PPP2R2C: variants seen among roughly 807,000 people sequenced by gnomAD.
The protein encoded by PPP2R2C is protein phosphatase 2 regulatory subunit Bgamma, also known as protein phosphatase 2, regulatory subunit B, gamma.
PPP2R2C carries 10 observed loss-of-function variants against 45.3 expected under a neutral mutation model. The observed-to-expected ratio is 0.22, with a 90% CI of 0.14 to 0.37. The LOEUF is 0.37. PPP2R2C is among the 10% of genes least tolerant of loss of function. The pLI is 1.00. For missense variants in PPP2R2C, 308 were observed against 619.7 expected (o/e 0.50, Z 5.34); for synonymous variants, 257 against 245.4 (o/e 1.05, Z -0.44).
At chr4:6,443,587 C>T (rs1720267082) in intron 1 of PPP2R2C, among the ~76,000 whole-genome samples, 1 of 152,196 alleles carries the variant, frequency 6.6e-6, no homozygotes, top group African/African-American at 2.4e-5. Flanking sequence ...GCCTGGGACT[C>T]AGGAAGCCCT....
rs146181803 is a variant in PPP2R2C, at chr4:6,438,195, C to T, written c.70+33965G>A. On this transcript the variant is annotated intron_variant, in intron 1 of 8. Transcript: ENST00000382599. ...CTCACCATCGTACAGTTACTATGAC[C>T]ATTGCCTTTGCAAAGTAGGTCGTAT... Among the ~76,000 whole-genome samples, 155 of 152,326 alleles carry T rather than the reference C, an allele frequency of 1.0e-3. 1 individual carries two copies. Among genetic ancestry groups the T allele is most frequent in the African/African-American group, 2.8e-3 (115 of 41,564 alleles).
intron 2 of PPP2R2C, among the ~76,000 whole-genome samples, chr4:6,533,296 A>C (rs1293117198): frequency 2.0e-5 from 3 of 152,188 alleles, no homozygotes; most frequent in Non-Finnish European, 4.4e-5. Context: ...CCATGAGCAT[A>C]ATCTTTGAAC....
intron 5 of PPP2R2C, among the ~76,000 whole-genome samples, chr4:6,355,509 A>T (rs566545591): frequency 6.6e-6 from 1 of 151,412 alleles, no homozygotes; most frequent in Non-Finnish European, 1.5e-5. Flanking sequence ...CCTAAAACTT[A>T]AAGTATAATA....
chr4:6,463,397 G>A (rs1438382381), intron 1 of PPP2R2C, among the ~76,000 whole-genome samples: 1 of 152,236 alleles, frequency 6.6e-6, no homozygotes, highest in Admixed American at 6.5e-5. Context: ...AGGCCAGCCT[G>A]GAGGAGGCCC....
rs201268845 is a variant in PPP2R2C at position 6,436,549 on chromosome 4, C to T, written c.70+35611G>A. Among the ~76,000 whole-genome samples the T allele has an allele frequency of 2.6e-5, 4 of 152,360 alleles. No homozygotes were observed. The East Asian group carries it at 5.8e-4, about 22-fold the overall frequency. ...TTTCCAAAAGGAGAAAAGAGAAACACTCTCTACTCTGTTACTAGAGTTCCC... is the reference window on the plus strand; with the variant it reads ...TTTCCAAAAGGAGAAAAGAGAAACATTCTCTACTCTGTTACTAGAGTTCCC... On this transcript the variant is annotated intron_variant, in intron 1 of 8. Coordinates refer to ENST00000382599, the MANE Select transcript of PPP2R2C (RefSeq NM_020416.4).
chr4:6,415,855 A>G (rs1378328409), intron 1 of PPP2R2C, among the ~76,000 whole-genome samples: 1 of 152,180 alleles, frequency 6.6e-6, no homozygotes, highest in Non-Finnish European at 1.5e-5. Flanking sequence ...TCACTACCAC[A>G]TTACACAGCT....
chr4:6,335,121 C>T (rs763885689), intron 6 of PPP2R2C, among the ~76,000 whole-genome samples: 5 of 152,324 alleles, frequency 3.3e-5, no homozygotes, highest in Admixed American at 6.5e-5. Context: ...CAAACAGCAC[C>T]TACTCTGTGC....
In PPP2R2C at chr4:6,345,192, G is replaced by A. The variant is rs1457559804; in HGVS notation, c.790+2654C>T. 1.3e-5 allele frequency among the ~76,000 whole-genome samples: 2 copies of A among 152,146 alleles called. No individual in the cohort carries two copies. Among genetic ancestry groups the A allele is most frequent in the Admixed American group, 6.5e-5 (1 of 15,274 alleles). On this transcript the variant is annotated intron_variant, in intron 6 of 8. Transcript: ENST00000382599. The surrounding 1 kb of genome is among the most constrained non-coding windows in gnomAD (Gnocchi z 5.3). ...TCACACGGGGTCAGCAGCGGACCAGGAGCAGGAAGAACCCCCTCTCTTCCC... is the reference window on the plus strand; with the variant it reads ...TCACACGGGGTCAGCAGCGGACCAGAAGCAGGAAGAACCCCCTCTCTTCCC...
intron 5 of PPP2R2C, among the ~76,000 whole-genome samples, chr4:6,353,180 C>T (rs1040166691): frequency 6.6e-6 from 1 of 152,080 alleles, no homozygotes; most frequent in East Asian, 1.9e-4. Context: ...AGCCACAGGA[C>T]ACTAACCCAC....
rs76211003 is a variant in PPP2R2C at position 6,552,653 on chromosome 4, G to C, written c.-59+10907C>G. Among the ~76,000 whole-genome samples the C allele has an allele frequency of 8.7e-3, 1,319 of 152,052 alleles. 26 individuals carry two copies. The highest frequency in any genetic ancestry group is 0.03 in the African/African-American group (1,263 of 41,460). The stretch of plus-strand genomic sequence containing the variant: ...CATTGGGCCTACCCAGATAATCCAG[G>C]TCAACCTCCCCAACTCAAGAGCCTT... On this transcript the variant is annotated intron_variant, in intron 1 of 9. Transcript: ENST00000506140.
chr4:6,537,311 C>A (rs1724659251), intron 1 of PPP2R2C, among the ~76,000 whole-genome samples: 1 of 152,084 alleles, frequency 6.6e-6, no homozygotes, highest in Non-Finnish European at 1.5e-5. Context: ...AGAGAAATGT[C>A]TGGAGGATGC....
chr4:6,360,300 C>T (rs1713610173), intron 5 of PPP2R2C, among the ~76,000 whole-genome samples: 1 of 152,280 alleles, frequency 6.6e-6, no homozygotes, highest in African/African-American at 2.4e-5. Context: ...TCCACACCAT[C>T]TGCAGCTTTC....
intron 1 of PPP2R2C, among the ~76,000 whole-genome samples, chr4:6,419,554 A>C (rs1718828921): frequency 6.6e-6 from 1 of 152,216 alleles, no homozygotes; most frequent in Non-Finnish European, 1.5e-5. Context: ...ACTTGCTCTG[A>C]GCCCACACCT....
chr4:6,402,317 A>G (rs1333115265), intron 1 of PPP2R2C, among the ~76,000 whole-genome samples: 1 of 152,040 alleles, frequency 6.6e-6, no homozygotes, highest in Admixed American at 6.5e-5. Context: ...AAGCGGCCCC[A>G]TTTCCCCAAA....
intron 2 of PPP2R2C, among the ~76,000 whole-genome samples, chr4:6,506,933 A>G (rs1723257244): frequency 6.6e-6 from 1 of 152,214 alleles, no homozygotes; most frequent in African/African-American, 2.4e-5. Flanking sequence ...TTCCCCCAGG[A>G]TGAGCATCTT....
rs985309065 is a variant in PPP2R2C, at chr4:6,345,922, A to G, written c.790+1924T>C. Among the ~76,000 whole-genome samples the G allele has an allele frequency of 2.6e-5, 4 of 151,932 alleles. No individual in the cohort carries two copies. The highest frequency in any genetic ancestry group is 9.7e-5 in the African/African-American group (4 of 41,338). On this transcript the variant is annotated intron_variant, in intron 6 of 8. Transcript: ENST00000382599. The surrounding 1 kb of genome is among the most constrained non-coding windows in gnomAD (Gnocchi z 5.3). ...GCCTGGATATCTGGCTGCCTACTCGACCCATTTCCTTGGAACCCAATACGG... is the reference window on the plus strand; with the variant it reads ...GCCTGGATATCTGGCTGCCTACTCGGCCCATTTCCTTGGAACCCAATACGG...
rs1158646833 is a variant in PPP2R2C, at chr4:6,322,390, G to A, written c.*912C>T. 1 of 152,230 alleles carries A rather than the reference G, an allele frequency of 6.6e-6. No homozygotes were observed. Among genetic ancestry groups the A allele is most frequent in the Non-Finnish European group, 1.5e-5 (1 of 68,048 alleles). 9.4% of individuals were successfully genotyped at this position (152,230 alleles called of 1,614,324 possible). A position where few individuals can be genotyped will look rare whatever the true frequency, so the allele number is the denominator to read the frequency against. On this transcript the variant is annotated 3_prime_UTR_variant, in exon 9 of 9. Coordinates refer to ENST00000382599, the MANE Select transcript of PPP2R2C (RefSeq NM_020416.4). The surrounding 1 kb of genome is among the most constrained non-coding windows in gnomAD (Gnocchi z 7.8). ...ACGCTTCGAGAAGTTGGTGTTTATG[G>A]AGGAAATGAATGAACACCCACCTCA...
At position 6,364,274 on chromosome 4, in the gene PPP2R2C, C is replaced by G. The variant is rs1714071035; in HGVS notation, c.625+8249G>C. On this transcript the variant is annotated intron_variant, in intron 5 of 8. Coordinates refer to ENST00000382599, the MANE Select transcript of PPP2R2C (RefSeq NM_020416.4). This position sits in a 1 kb window ranked among gnomAD's most constrained non-coding sequence, Gnocchi z 5.3. The stretch of plus-strand genomic sequence containing the variant: ...AGGGAACAGCCAGTGCAAAATGGCT[C>G]TGCTGCAGGAGATGGCTGGAAATAT... Among the ~76,000 whole-genome samples the G allele has an allele frequency of 6.6e-6, 1 of 152,172 alleles. No homozygotes were observed. Among genetic ancestry groups the G allele is most frequent in the Non-Finnish European group, 1.5e-5 (1 of 68,034 alleles).
At chr4:6,493,594 G>T (rs1722780113) in intron 2 of PPP2R2C, among the ~76,000 whole-genome samples, 1 of 151,048 alleles carries the variant, frequency 6.6e-6, no homozygotes, top group African/African-American at 2.4e-5. Context: ...ATACTAGATC[G>T]ATCTAGTGCA....
Sources: gnomAD v4.1 joint callset for allele counts (sites outside exome capture counted in the v4.1 genomes callset) on GRCh38, gnomAD v4.1.1 for gene constraint, Gnocchi (gnomAD v3.1) non-coding constraint, MANE v1.5 for transcripts, NCBI Gene and HGNC (gene_info 2026-07-23, HGNC 2026-07-21) for gene names.